The following DYNC1I1 variants were observed in gnomAD, a reference collection of about 807,000 sequenced individuals.
The protein encoded by DYNC1I1 is cytoplasmic dynein 1 intermediate chain 1.
Under a neutral mutation model 86.6 loss-of-function variants are expected in DYNC1I1, and 43 were observed. The ratio of observed to expected loss-of-function variants is 0.50; its 90% CI spans 0.39 to 0.64. The LOEUF (loss-of-function observed/expected upper bound fraction) is 0.64. Ranked by LOEUF, DYNC1I1 falls within the 30% of genes least tolerant of loss-of-function variation. DYNC1I1 has a pLI of 0.00. For missense variants in DYNC1I1, 604 were observed against 788.8 expected (o/e 0.77, Z 2.81); for synonymous variants, 262 against 283.7 (o/e 0.92, Z 0.77).
At chr7:96,035,292 T>C (rs934396545) in intron 12 of DYNC1I1, among the ~76,000 whole-genome samples, 1 of 152,226 alleles carries the variant, frequency 6.6e-6, no homozygotes, top group Non-Finnish European at 1.5e-5. Flanking sequence ...ACAAGGGTAT[T>C]GTGTGTTTTA....
At chr7:95,809,325 G>T (rs1478986) in intron 2 of DYNC1I1, among the ~76,000 whole-genome samples, 97,223 of 151,992 alleles carry the variant, frequency 0.64, 31,829 homozygotes, top group African/African-American at 0.77. Flanking sequence ...TGCTTTGAAA[G>T]GTATTCTACA....
At chr7:96,020,280 C>CT (rs1029583686) in intron 10 of DYNC1I1, among the ~76,000 whole-genome samples, 4 of 151,996 alleles carry the variant, frequency 2.6e-5, no homozygotes, top group Non-Finnish European at 5.9e-5. Context: ...TTAATATGGA[C>CT]TTACAGTTCC....
intron 6 of DYNC1I1, among the ~76,000 whole-genome samples, chr7:95,934,665 T>C (rs189875555): frequency 4.6e-5 from 7 of 152,234 alleles, no homozygotes; most frequent in Admixed American, 4.6e-4. Context: ...GTTCACCTGG[T>C]TAACTGCCAA....
At chr7:95,887,893 C>CATCT (rs1288361627) in intron 6 of DYNC1I1, among the ~76,000 whole-genome samples, 2 of 152,132 alleles carry the variant, frequency 1.3e-5, no homozygotes, top group Non-Finnish European at 2.9e-5. Context: ...CAAAGTTACC[C>CATCT]ATCTATGATT....
At chr7:96,069,161 G>T (rs1790087782) in intron 14 of DYNC1I1, among the ~76,000 whole-genome samples, 2 of 152,064 alleles carry the variant, frequency 1.3e-5, no homozygotes, top group African/African-American at 4.8e-5. Context: ...TAATCAACCT[G>T]ATCATCGTAG....
intron 6 of DYNC1I1, among the ~76,000 whole-genome samples, chr7:95,891,446 C>A (rs182000925): frequency 6.6e-6 from 1 of 152,294 alleles, no homozygotes; most frequent in Admixed American, 6.5e-5. Flanking sequence ...TTAACCTCTG[C>A]TTCATGTCCA....
At chr7:96,081,364 C>A (rs936151681) in intron 16 of DYNC1I1, among the ~76,000 whole-genome samples, 1 of 150,762 alleles carries the variant, frequency 6.6e-6, no homozygotes, top group Admixed American at 6.6e-5. Context: ...TTATTTCAGA[C>A]AAATCTCCTT....
rs373119540 is a variant in DYNC1I1, at chr7:95,965,439, G to A, written c.491-12073G>A. 9.3e-4 allele frequency among the ~76,000 whole-genome samples: 142 copies of A among 152,224 alleles called. 2 individuals are homozygous for A. Among genetic ancestry groups the A allele is most frequent in the South Asian group, 5.6e-3 (27 of 4,824 alleles). On this transcript the variant is annotated intron_variant, in intron 6 of 16. Coordinates refer to ENST00000447467, the MANE Select transcript of DYNC1I1 (RefSeq NM_001135556.2). ...GTAATTTAGTAGTTGTCTGAGCAAC[G>A]TATATAACCTCTTTGAGCCTCAATT...
chr7:95,921,508 GACAGACTTTTCTGCCT>G (rs374377386), intron 6 of DYNC1I1, among the ~76,000 whole-genome samples: 1,767 of 152,196 alleles, frequency 0.012, 23 homozygotes, highest in African/African-American at 0.04. Flanking sequence ...TACAGTCTGG[GACAGACTTTTCTGCCT>G]ACAGAAAGAA....
intron 6 of DYNC1I1, among the ~76,000 whole-genome samples, chr7:95,959,779 T>C (rs1318513572): frequency 6.6e-6 from 1 of 152,184 alleles, no homozygotes; most frequent in Non-Finnish European, 1.5e-5. Flanking sequence ...AACTTACTCA[T>C]ATATTATTAT....
chr7:95,803,738 G>A (rs993685741), intron 1 of DYNC1I1, among the ~76,000 whole-genome samples: 3 of 152,060 alleles, frequency 2.0e-5, no homozygotes, highest in Non-Finnish European at 2.9e-5. Flanking sequence ...TGACATTTAC[G>A]GTTAGTCAAT....
intron 5 of DYNC1I1, among the ~76,000 whole-genome samples, chr7:95,841,251 G>T (rs1002134128): frequency 6.6e-6 from 1 of 152,166 alleles, no homozygotes; most frequent in African/African-American, 2.4e-5. Flanking sequence ...TGATTTGTGG[G>T]GAGGAGCCCT....
chr7:95,873,395 G>A (rs937249838), intron 6 of DYNC1I1, among the ~76,000 whole-genome samples: 1 of 152,140 alleles, frequency 6.6e-6, no homozygotes, highest in Non-Finnish European at 1.5e-5. Context: ...CTGGGTAAAT[G>A]GATTGAATAA....
intron 12 of DYNC1I1, among the ~76,000 whole-genome samples, chr7:96,033,918 G>A (rs559853337): frequency 6.6e-6 from 1 of 152,200 alleles, no homozygotes; most frequent in South Asian, 2.1e-4. Flanking sequence ...GCTCAGGCAG[G>A]AGGATTGCTT....
At chr7:95,804,459 T>C in intron 1 of DYNC1I1, 1 of 1,082,760 alleles carries the variant, frequency 9.2e-7, no homozygotes, top group Non-Finnish European at 1.2e-6. Flanking sequence ...GAAGTTGCGA[T>C]TCTTGCTTAG....
intron 6 of DYNC1I1, among the ~76,000 whole-genome samples, chr7:95,940,846 C>T (rs1050465271): frequency 2.0e-5 from 3 of 152,238 alleles, no homozygotes; most frequent in Non-Finnish European, 4.4e-5. Context: ...TGGTGAGGAG[C>T]TACGTTCCTT....
At chr7:95,916,497 A>G (rs1791470986) in intron 6 of DYNC1I1, among the ~76,000 whole-genome samples, 1 of 152,232 alleles carries the variant, frequency 6.6e-6, no homozygotes, top group African/African-American at 2.4e-5. Flanking sequence ...TAGAATAATC[A>G]GTAGACATTT....
intron 2 of DYNC1I1, among the ~76,000 whole-genome samples, chr7:95,807,088 T>C (rs576433801): frequency 2.1e-4 from 32 of 152,146 alleles, no homozygotes; most frequent in Non-Finnish European, 4.1e-4. Context: ...CAGCTGTCAT[T>C]CTGCTTCTGA....
At chr7:95,789,694 C>A (rs573524309) in intron 1 of DYNC1I1, among the ~76,000 whole-genome samples, 1 of 152,166 alleles carries the variant, frequency 6.6e-6, no homozygotes, top group South Asian at 2.1e-4. Flanking sequence ...TCTGTTCACC[C>A]TAACATACCT....
Sources: allele counts gnomAD v4.1 joint callset (sites outside exome capture counted in the v4.1 genomes callset), GRCh38; gene constraint gnomAD v4.1.1; transcripts MANE v1.5; gene names NCBI Gene and HGNC (gene_info 2026-07-23, HGNC 2026-07-21).